The following PHACTR1 variants were observed in gnomAD, a reference collection of about 807,000 sequenced individuals.
The protein encoded by PHACTR1 is RPEL repeat containing 1.
In PHACTR1, 16 loss-of-function variants were observed where a neutral mutation model predicts 69.2. The observed-to-expected ratio is 0.23, with a 90% CI of 0.16 to 0.35. The LOEUF is 0.35. Among genes scored for constraint, PHACTR1 ranks in the 10% least tolerant of loss-of-function variants. PHACTR1 has a pLI of 1.00. For synonymous variants in PHACTR1, 312 were observed against 284.5 expected, an observed-to-expected ratio of 1.10 and a Z score of -0.97; for missense variants, 510 against 734.7, an observed-to-expected ratio of 0.69 and a Z score of 3.54.
At chr6:13,070,997 A>G (rs1272650457) in intron 5 of PHACTR1, among the ~76,000 whole-genome samples, 1 of 152,190 alleles carries the variant, frequency 6.6e-6, no homozygotes, top group East Asian at 1.9e-4. Flanking sequence ...TAATTAAAAA[A>G]AAAAAAGGAC....
At chr6:12,866,946 CT>C (rs1184760401) in intron 4 of PHACTR1, among the ~76,000 whole-genome samples, 2 of 152,106 alleles carry the variant, frequency 1.3e-5, no homozygotes, top group Admixed American at 6.5e-5. Context: ...TTGCAAAATG[CT>C]TTTTTATCCT....
At chr6:12,766,904 G>A (rs1340168134) in intron 4 of PHACTR1, among the ~76,000 whole-genome samples, 1 of 152,058 alleles carries the variant, frequency 6.6e-6, no homozygotes, top group Non-Finnish European at 1.5e-5. Flanking sequence ...ATTTTAATAT[G>A]GAAAAATCAC....
intron 4 of PHACTR1, among the ~76,000 whole-genome samples, chr6:12,884,217 C>A (rs1257918764): frequency 6.6e-6 from 1 of 152,182 alleles, no homozygotes; most frequent in Non-Finnish European, 1.5e-5. Context: ...GGACCTGACC[C>A]ATACATTTTT....
intron 4 of PHACTR1, among the ~76,000 whole-genome samples, chr6:12,759,122 CAAAAAAAAAAAA>C (rs1229879368): frequency 1.9e-5 from 1 of 51,470 alleles, no homozygotes; most frequent in African/African-American, 7.2e-5. Context: ...GACTCCACCT[CAAAAAAAAAAAA>C]AAAAAAAAAA....
intron 4 of PHACTR1, among the ~76,000 whole-genome samples, chr6:13,018,550 T>G (rs1280089868): frequency 6.6e-6 from 1 of 152,234 alleles, no homozygotes; most frequent in Non-Finnish European, 1.5e-5. Flanking sequence ...AGTTTTGCCT[T>G]GGGCCTTTCC....
At chr6:12,780,247 CTCTGTGTGTGTG>C (rs1561875125) in intron 4 of PHACTR1, among the ~76,000 whole-genome samples, 1 of 96,470 alleles carries the variant, frequency 1.0e-5, no homozygotes, top group Non-Finnish European at 2.1e-5. Flanking sequence ...TATATCTTTT[CTCTGTGTGTGTG>C]TGTGTGTGTG....
intron 3 of PHACTR1, among the ~76,000 whole-genome samples, chr6:12,729,814 T>C (rs1763262087): frequency 6.6e-6 from 1 of 152,136 alleles, no homozygotes; most frequent in South Asian, 2.1e-4. Flanking sequence ...ACTGAGAGAA[T>C]TCAAAAGGGG....
intron 3 of PHACTR1, among the ~76,000 whole-genome samples, chr6:12,725,931 C>T (rs1247339277): frequency 6.6e-6 from 1 of 151,946 alleles, no homozygotes; most frequent in African/African-American, 2.4e-5. Context: ...TATAAAGATA[C>T]ATTTTAGACT....
chr6:13,130,287 A>AAAAAC (rs1003475382), intron 5 of PHACTR1, among the ~76,000 whole-genome samples: 1 of 152,020 alleles, frequency 6.6e-6, no homozygotes, highest in Non-Finnish European at 1.5e-5. Flanking sequence ...AAACAAAAAC[A>AAAAAC]AAAACAAAAC....
chr6:13,201,919 GC>G (rs1426853122), intron 7 of PHACTR1, among the ~76,000 whole-genome samples: 1 of 152,194 alleles, frequency 6.6e-6, no homozygotes, highest in African/African-American at 2.4e-5. Flanking sequence ...CCTGATTTTA[GC>G]CCTTTTCTTA....
intron 5 of PHACTR1, among the ~76,000 whole-genome samples, chr6:13,075,104 C>T (rs988488698): frequency 3.9e-5 from 6 of 152,192 alleles, no homozygotes; most frequent in African/African-American, 9.6e-5. Flanking sequence ...ACATTTTCAC[C>T]AACTATTAGC....
chr6:12,944,902 C>A (rs1790502312), intron 4 of PHACTR1, among the ~76,000 whole-genome samples: 1 of 151,940 alleles, frequency 6.6e-6, no homozygotes, highest in Non-Finnish European at 1.5e-5. Context: ...CCTGCTTCAG[C>A]CTCCCGAGTA....
intron 8 of PHACTR1, among the ~76,000 whole-genome samples, chr6:13,225,229 A>G (rs1055864303): frequency 1.1e-4 from 17 of 152,332 alleles, no homozygotes; most frequent in Admixed American, 3.9e-4. Context: ...ATGTTTTACA[A>G]TTCTTTTGGT....
At chr6:12,990,600 T>A (rs1187566518) in intron 4 of PHACTR1, among the ~76,000 whole-genome samples, 1 of 152,232 alleles carries the variant, frequency 6.6e-6, no homozygotes, top group Non-Finnish European at 1.5e-5. Flanking sequence ...TTAGTTTTTG[T>A]AAATTTAGCA....
chr6:12,899,967 G>C (rs987713056), intron 4 of PHACTR1, among the ~76,000 whole-genome samples: 3 of 152,082 alleles, frequency 2.0e-5, no homozygotes, highest in African/African-American at 7.2e-5. Flanking sequence ...ACCACCAGTG[G>C]CCCCTGCCCT....
At chr6:13,058,602 A>G (rs1240792887) in intron 5 of PHACTR1, among the ~76,000 whole-genome samples, 1 of 152,198 alleles carries the variant, frequency 6.6e-6, no homozygotes, top group Non-Finnish European at 1.5e-5. Flanking sequence ...ATAAAGGTAA[A>G]GTCTCACCTG....
chr6:12,733,870 C>T (rs1053616369), intron 3 of PHACTR1, among the ~76,000 whole-genome samples: 1 of 152,126 alleles, frequency 6.6e-6, no homozygotes, highest in Middle Eastern at 3.4e-3. Flanking sequence ...GATATAAAAT[C>T]AAAATATATG....
intron 4 of PHACTR1, among the ~76,000 whole-genome samples, chr6:12,919,837 G>A (rs1009050520): frequency 2.6e-5 from 4 of 152,012 alleles, no homozygotes; most frequent in African/African-American, 7.3e-5. Flanking sequence ...TTTTATTCCC[G>A]GAATCCAGCA....
intron 4 of PHACTR1, chr6:12,933,825 G>A (rs969000638): frequency 1.2e-6 from 2 of 1,612,796 alleles, no homozygotes; most frequent in East Asian, 2.2e-5. Flanking sequence ...CAGGGTATGA[G>A]CCCTGTTCAA....
Sources: allele counts gnomAD v4.1 joint callset (sites outside exome capture counted in the v4.1 genomes callset), GRCh38; gene constraint gnomAD v4.1.1; transcripts MANE v1.5; gene names NCBI Gene and HGNC (gene_info 2026-07-23, HGNC 2026-07-21).